The following IKBKG variants were observed in gnomAD, a reference collection of about 807,000 sequenced individuals.
The protein encoded by IKBKG is inhibitor of nuclear factor kappa B kinase regulatory subunit gamma, also known as NF-kappa-B essential modulator.
In IKBKG, 2 loss-of-function variants were observed where a neutral mutation model predicts 13.7. That is an observed-to-expected ratio of 0.15 (90% confidence interval 0.06 to 0.46). The LOEUF (loss-of-function observed/expected upper bound fraction) is 0.46, where lower values mean the gene tolerates loss of function less well. Among genes scored for constraint, IKBKG ranks in the 20% least tolerant of loss-of-function variants. The pLI, the probability that IKBKG is intolerant of heterozygous loss-of-function variation, is 0.98. For synonymous variants in IKBKG, 22 were observed against 64.4 expected, an observed-to-expected ratio of 0.34 and a Z score of 3.15; for missense variants, 53 against 150.3, an observed-to-expected ratio of 0.35 and a Z score of 3.39.
chrX:154,541,302 G>C, exon 1 of IKBKG: 1 of 111,736 alleles, frequency 8.9e-6, no homozygotes, highest in South Asian at 3.7e-4. Flanking sequence ...GGATTAACTA[G>C]AGATTGAACC....
intron 2 of IKBKG, among the ~76,000 whole-genome samples, chrX:154,554,194 T>C (rs969337968): frequency 1.9e-4 from 21 of 112,259 alleles, no homozygotes; most frequent in African/African-American, 6.2e-4. Context: ...GTACTTAGAA[T>C]GTTGAGGGAG....
At chrX:154,543,318 C>T (rs1335104083), upstream of IKBKG, among the ~76,000 whole-genome samples, 2 of 112,531 alleles carry the variant, frequency 1.8e-5, no homozygotes, top group Admixed American at 1.9e-4. Context: ...TTGCCCAACC[C>T]GAAGCTGGCC....
At chrX:154,553,564 C>G (rs1208978905) in intron 2 of IKBKG, among the ~76,000 whole-genome samples, 2 of 112,476 alleles carry the variant, frequency 1.8e-5, no homozygotes, top group African/African-American at 6.5e-5. Context: ...TGGAGAGGCC[C>G]TGCTGGAGCA....
At chrX:154,548,783 C>G (rs1320279876) in intron 1 of IKBKG, among the ~76,000 whole-genome samples, 3 of 110,125 alleles carry the variant, frequency 2.7e-5, no homozygotes, top group African/African-American at 9.9e-5. Flanking sequence ...CCAGTCTGGT[C>G]TTGAACTCCT....
chrX:154,544,497 G>A (rs1349345967), upstream of IKBKG, among the ~76,000 whole-genome samples: 2 of 112,417 alleles, frequency 1.8e-5, no homozygotes, highest in Non-Finnish European at 3.8e-5. Flanking sequence ...GTTTCGCCAT[G>A]TTGGCCAGGC....
chrX:154,545,836 CA>C (rs781893284), upstream of IKBKG: 31,476 of 251,501 alleles, frequency 0.13, 2 homozygotes, highest in Middle Eastern at 0.15. Flanking sequence ...ACTCCGTCTC[CA>C]AAAAAAAAAA....
chrX:154,547,903 C>T (rs782640672), intron 1 of IKBKG, 158 bp downstream of exon 1: 7 of 754,979 alleles, frequency 9.3e-6, no homozygotes, highest in Non-Finnish European at 1.1e-5. Flanking sequence ...GATTCAGGAC[C>T]CAGGTTACTT....
intron 1 of IKBKG, 190 bp downstream of exon 1, chrX:154,547,935 C>G: frequency 1.3e-6 from 1 of 754,916 alleles, no homozygotes; most frequent in Non-Finnish European, 1.6e-6. Context: ...TGGACTGTTT[C>G]TACTCCTCCC....
chrX:154,552,516 G>A (rs1251127432), intron 2 of IKBKG, among the ~76,000 whole-genome samples: 4 of 109,797 alleles, frequency 3.6e-5, no homozygotes, highest in East Asian at 5.8e-4. Flanking sequence ...ACATGTCCAG[G>A]CCTCTGTGTC....
At position 154,554,341 on chromosome X, in the gene IKBKG, G is replaced by A. The variant is rs782348496; in HGVS notation, c.188-1824G>A. On this transcript the variant is annotated intron_variant, in intron 2 of 9. Coordinates refer to ENST00000594239, the MANE Select transcript of IKBKG (RefSeq NM_001099857.5). ...CGACTGCTTATGGGGTCCCGGAACT[G>A]TTCTGGAATTAGATAGTGCGGATGG... is the stretch of plus-strand genomic sequence containing the variant. Among the ~76,000 whole-genome samples, 6 of 112,685 alleles carry A rather than the reference G, an allele frequency of 5.3e-5. 1 individual carries two copies. The South Asian group carries it at 2.2e-3, about 41-fold the overall frequency.
intron 1 of IKBKG, among the ~76,000 whole-genome samples, chrX:154,549,620 A>G (rs1238355844): frequency 2.7e-5 from 3 of 111,510 alleles, no homozygotes; most frequent in South Asian, 7.5e-4. Context: ...TATCATTAGC[A>G]TGTCACACAG....
intron 2 of IKBKG, among the ~76,000 whole-genome samples, 195 bp downstream of exon 2, chrX:154,552,384 G>A (rs1271161078): frequency 8.9e-6 from 1 of 112,162 alleles, no homozygotes; most frequent in Non-Finnish European, 1.9e-5. Context: ...AGGGAAAGGA[G>A]GGACAGGGGA....
At chrX:154,552,958 C>T (rs1044566122) in intron 2 of IKBKG, among the ~76,000 whole-genome samples, 23 of 112,201 alleles carry the variant, frequency 2.0e-4, no homozygotes, top group Non-Finnish European at 3.8e-4. Context: ...TCTGCATTGC[C>T]CTGGGTTAGC....
intron 2 of IKBKG, among the ~76,000 whole-genome samples, chrX:154,554,129 G>A (rs1482368311): frequency 8.9e-6 from 1 of 112,882 alleles, no homozygotes; most frequent in Non-Finnish European, 1.9e-5. Flanking sequence ...GCCCCTAAGG[G>A]CCCAGAAGAT....
chrX:154,552,880 C>T (rs369084057), intron 2 of IKBKG, among the ~76,000 whole-genome samples: 2 of 112,338 alleles, frequency 1.8e-5, no homozygotes, highest in South Asian at 7.3e-4. Flanking sequence ...CTCCTGCCCG[C>T]GCCCTGGGCG....
chrX:154,551,847 C>T, intron 1 of IKBKG, 141 bp from the exon 2 acceptor site: 1 of 454,877 alleles, frequency 2.2e-6, no homozygotes, highest in Non-Finnish European at 3.4e-6. Context: ...ACCCCTTAGA[C>T]TGAAAACCCA....
At chrX:154,543,136 A>G (rs2472394), upstream of IKBKG, among the ~76,000 whole-genome samples, 4 of 110,797 alleles carry the variant, frequency 3.6e-5, no homozygotes, top group East Asian at 1.1e-3. Context: ...CATCTCCCCC[A>G]CAGCAGGAAG....
upstream of IKBKG, chrX:154,545,836 C>CAAAAAAA: frequency 3.5e-6 from 1 of 283,030 alleles, no homozygotes; most frequent in Non-Finnish European, 5.8e-6. Flanking sequence ...ACTCCGTCTC[C>CAAAAAAA]AAAAAAAAAA....
chrX:154,543,807 C>A (rs374748657), upstream of IKBKG, among the ~76,000 whole-genome samples: 36 of 110,405 alleles, frequency 3.3e-4, no homozygotes, highest in African/African-American at 1.1e-3. Flanking sequence ...GATTTTCCTG[C>A]CTCAGCCTCC....
Sources: allele counts gnomAD v4.1 joint callset (sites outside exome capture counted in the v4.1 genomes callset), GRCh38; gene constraint gnomAD v4.1.1; transcripts MANE v1.5; gene names NCBI Gene and HGNC (gene_info 2026-07-23, HGNC 2026-07-21).